Variants in GRK5 observed in about 807,000 individuals in gnomAD.
The protein encoded by GRK5 is g protein-coupled receptor kinase GRK5.
GRK5 carries 40 observed loss-of-function variants against 78.4 expected under a neutral mutation model. That is an observed-to-expected ratio of 0.51 (90% confidence interval 0.40 to 0.66). The LOEUF (loss-of-function observed/expected upper bound fraction) is 0.66. GRK5 is among the 30% of genes least tolerant of loss of function. The probability of loss-of-function intolerance (pLI) is 0.00; values close to 1 mark genes in which losing one functional copy is unlikely to be tolerated. For missense variants in GRK5, 598 were observed against 759.9 expected (o/e 0.79, Z 2.50); for synonymous variants, 289 against 296.8 (o/e 0.97, Z 0.27).
intron 1 of GRK5, among the ~76,000 whole-genome samples, chr10:119,311,378 G>A (rs1589736626): frequency 6.6e-6 from 1 of 152,068 alleles, no homozygotes; most frequent in African/African-American, 2.4e-5. Context: ...AGAAGGCCAC[G>A]CAGAACGCTT....
intron 2 of GRK5, among the ~76,000 whole-genome samples, chr10:119,357,729 C>T (rs1851286365): frequency 6.6e-6 from 1 of 152,238 alleles, no homozygotes; most frequent in African/African-American, 2.4e-5. Context: ...CCCAGGTTCA[C>T]TCCCCACTTC....
chr10:119,296,708 T>C (rs1239970059), intron 1 of GRK5, among the ~76,000 whole-genome samples: 1 of 152,222 alleles, frequency 6.6e-6, no homozygotes, highest in Non-Finnish European at 1.5e-5. Flanking sequence ...TATGGAGTTT[T>C]TCCTCCTAAA....
At chr10:119,275,538 GA>G (rs1849653849) in intron 1 of GRK5, among the ~76,000 whole-genome samples, 1 of 151,156 alleles carries the variant, frequency 6.6e-6, no homozygotes, top group Admixed American at 6.6e-5. Context: ...ATGATTTTTG[GA>G]ACTGGGGTCC....
At chr10:119,247,066 A>G (rs1378125951) in intron 1 of GRK5, among the ~76,000 whole-genome samples, 4 of 152,080 alleles carry the variant, frequency 2.6e-5, no homozygotes, top group African/African-American at 7.2e-5. Flanking sequence ...TGCAGTTGTG[A>G]TGAGGTGGTG....
At chr10:119,287,235 G>C (rs1247666382) in intron 1 of GRK5, among the ~76,000 whole-genome samples, 1 of 96,246 alleles carries the variant, frequency 1.0e-5, no homozygotes. Flanking sequence ...GGGAGGGAGA[G>C]AGGGAGGGAG....
rs1438023004 is a variant in GRK5, at chr10:119,425,583, C to G, written c.533+498C>G. On this transcript the variant is annotated intron_variant, in intron 6 of 15. Coordinates refer to ENST00000392870, the MANE Select transcript of GRK5 (RefSeq NM_005308.3). ...GGTCAGAAGGCACCTGATTTTAAAC[C>G]GTGAGTGCTGTTAAGCTGCTGTCCA... Among the ~76,000 whole-genome samples the G allele has an allele frequency of 2.0e-5, 3 of 152,202 alleles. No homozygotes were observed. In the South Asian group the frequency reaches 6.2e-4, roughly 32 times the overall value.
At chr10:119,407,102 G>A (rs1589792923) in intron 4 of GRK5, among the ~76,000 whole-genome samples, 1 of 152,300 alleles carries the variant, frequency 6.6e-6, no homozygotes, top group Non-Finnish European at 1.5e-5. Context: ...AAAGATCTGT[G>A]GTTGACAAAG....
chr10:119,265,020 A>C (rs1265304699), intron 1 of GRK5, among the ~76,000 whole-genome samples: 2 of 152,188 alleles, frequency 1.3e-5, no homozygotes, highest in African/African-American at 2.4e-5. Context: ...TGGGGCTCAC[A>C]GCGGCCTCTT....
intron 1 of GRK5, among the ~76,000 whole-genome samples, chr10:119,218,331 T>C (rs1186627580): frequency 6.6e-6 from 1 of 151,508 alleles, no homozygotes; most frequent in African/African-American, 2.4e-5. Context: ...GGGGAGGGGG[T>C]AGGAGATAGA....
intron 1 of GRK5, among the ~76,000 whole-genome samples, chr10:119,265,356 A>G (rs1849477365): frequency 6.6e-6 from 1 of 152,162 alleles, no homozygotes; most frequent in Non-Finnish European, 1.5e-5. Context: ...TATGGGCCTA[A>G]TGTTTTTGTG....
At chr10:119,213,515 A>G (rs1848522452) in intron 1 of GRK5, among the ~76,000 whole-genome samples, 1 of 152,056 alleles carries the variant, frequency 6.6e-6, no homozygotes, top group South Asian at 2.1e-4. Flanking sequence ...TGTTTCAAAA[A>G]AGAAAAATAA....
intron 1 of GRK5, among the ~76,000 whole-genome samples, chr10:119,256,183 C>T (rs74726262): frequency 0.021 from 3,203 of 152,190 alleles, 56 homozygotes; most frequent in Admixed American, 0.054. Flanking sequence ...CTCCCAGAGC[C>T]ACCCTCTCGC....
intron 3 of GRK5, among the ~76,000 whole-genome samples, chr10:119,394,228 G>T (rs1187073110): frequency 1.3e-5 from 2 of 149,236 alleles, no homozygotes; most frequent in Admixed American, 6.6e-5. Context: ...ACGTGTGGGT[G>T]TGGGTGTGTG....
intron 4 of GRK5, among the ~76,000 whole-genome samples, chr10:119,419,881 C>A (rs914872551): frequency 1.2e-4 from 18 of 152,342 alleles, no homozygotes; most frequent in African/African-American, 4.3e-4. Context: ...CGAGCTGCAT[C>A]ACTTGCCTCT....
intron 2 of GRK5, among the ~76,000 whole-genome samples, chr10:119,361,780 G>A (rs1851366984): frequency 6.6e-6 from 1 of 152,078 alleles, no homozygotes; most frequent in African/African-American, 2.4e-5. Flanking sequence ...GGCCAACATG[G>A]CGAAACCCTG....
chr10:119,363,501 A>G (rs1851397836), intron 2 of GRK5, among the ~76,000 whole-genome samples: 1 of 152,212 alleles, frequency 6.6e-6, no homozygotes, highest in South Asian at 2.1e-4. Context: ...CTAGACTAAC[A>G]TTGGCCTAAA....
At position 119,426,265 on chromosome 10, in the gene GRK5, T is replaced by G. The variant is rs368883169; in HGVS notation, c.533+1180T>G. Among the ~76,000 whole-genome samples, 17 of 152,362 alleles carry G rather than the reference T, an allele frequency of 1.1e-4. No individual in the cohort carries two copies. In the East Asian group the frequency reaches 1.7e-3, roughly 16 times the overall value. On this transcript the variant is annotated intron_variant, in intron 6 of 15. Transcript: ENST00000392870. ...CAGAAAACCCTTGGCTCTGCGGCCATGGATGGGTGGTTTCTCTCCACCTGA... is the reference window on the plus strand; with the variant it reads ...CAGAAAACCCTTGGCTCTGCGGCCAGGGATGGGTGGTTTCTCTCCACCTGA...
intron 2 of GRK5, among the ~76,000 whole-genome samples, chr10:119,355,307 A>G (rs1294969373): frequency 6.6e-6 from 1 of 152,212 alleles, no homozygotes; most frequent in Non-Finnish European, 1.5e-5. Context: ...GTTTCTATAT[A>G]TTGGCTAGTA....
At chr10:119,398,221 C>T (rs1852089981) in intron 4 of GRK5, among the ~76,000 whole-genome samples, 1 of 152,160 alleles carries the variant, frequency 6.6e-6, no homozygotes, top group Admixed American at 6.5e-5. Context: ...ATTGGTGGGG[C>T]TCTGGCTAGA....
Sources: gnomAD v4.1 joint callset for allele counts (sites outside exome capture counted in the v4.1 genomes callset) on GRCh38, gnomAD v4.1.1 for gene constraint, MANE v1.5 for transcripts, NCBI Gene and HGNC (gene_info 2026-07-23, HGNC 2026-07-21) for gene names.